ARL6: variants seen among roughly 807,000 people sequenced by gnomAD.
ARL6 encodes the protein ADP-ribosylation factor-like protein 6.
Under a neutral mutation model 27.1 loss-of-function variants are expected in ARL6, and 18 were observed. That is an observed-to-expected ratio of 0.66 (90% CI 0.46 to 0.98). ARL6 has a LOEUF of 0.98. Among genes scored for constraint, ARL6 ranks in the 50% least tolerant of loss-of-function variants. The pLI is 0.00. For missense variants in ARL6, 187 were observed against 214.9 expected (o/e 0.87, Z 0.81); for synonymous variants, 65 against 72.3 (o/e 0.90, Z 0.51).
intron 2 of ARL6, among the ~76,000 whole-genome samples, chr3:97,774,228 C>G (rs1046872181): frequency 6.6e-6 from 1 of 152,164 alleles, no homozygotes; most frequent in South Asian, 2.1e-4. Flanking sequence ...TCGAGCAGTT[C>G]TTTTTGAGTG....
chr3:97,791,143 A>G (rs2037714876), intron 6 of ARL6: 1 of 152,274 alleles, frequency 6.6e-6, no homozygotes, highest in Non-Finnish European at 1.5e-5. Context: ...GGTGTTTTAT[A>G]TACATACCTC....
chr3:97,773,142 A>G (rs1418315704), intron 2 of ARL6, among the ~76,000 whole-genome samples: 1 of 152,212 alleles, frequency 6.6e-6, no homozygotes, highest in Non-Finnish European at 1.5e-5. Context: ...GTCTGTCTGC[A>G]GGCTGAGGAG....
chr3:97,780,728 A>G (rs550048078), intron 4 of ARL6, 45 bp downstream of exon 4: 1 of 1,418,700 alleles, frequency 7.0e-7, no homozygotes, highest in South Asian at 1.2e-5. Context: ...GTTTTTACTA[A>G]TAATAATGAT....
chr3:97,776,869 G>A (rs2036933533), intron 2 of ARL6, among the ~76,000 whole-genome samples: 1 of 152,114 alleles, frequency 6.6e-6, no homozygotes, highest in South Asian at 2.1e-4. Flanking sequence ...ATGTTGGCCT[G>A]GCTGGTCTTG....
intron 1 of ARL6, 109 bp from the exon 2 acceptor site, chr3:97,767,972 A>T (rs1260912995): frequency 6.2e-6 from 6 of 973,358 alleles, no homozygotes; most frequent in African/African-American, 1.6e-5. Context: ...CATAGTTTTC[A>T]CACTATTATT....
chr3:97,779,585 T>C (rs1338976329), intron 2 of ARL6, among the ~76,000 whole-genome samples: 1 of 152,046 alleles, frequency 6.6e-6, no homozygotes, highest in Non-Finnish European at 1.5e-5. Context: ...TTAGAAAGTA[T>C]GCCAGGCACG....
chr3:97,788,201 T>C, intron 6 of ARL6, 82 bp downstream of exon 6: 1 of 1,410,086 alleles, frequency 7.1e-7, no homozygotes, highest in Non-Finnish European at 9.8e-7. Context: ...TCTCATTTTT[T>C]AAAAATAAGT....
intron 1 of ARL6, chr3:97,766,177 T>C (rs1244129242): frequency 6.6e-6 from 1 of 152,136 alleles, no homozygotes; most frequent in South Asian, 2.1e-4. Context: ...ATGTGAGAAG[T>C]TGTCGTTTTT....
At chr3:97,780,258 G>T (rs1559680041) in intron 3 of ARL6, 38 bp downstream of exon 3, 1 of 1,500,598 alleles carries the variant, frequency 6.7e-7, no homozygotes, top group East Asian at 2.3e-5. Flanking sequence ...AGTTGCTAGT[G>T]AAAAATAACA....
At chr3:97,769,165 A>G (rs977060491) in intron 2 of ARL6, among the ~76,000 whole-genome samples, 1 of 152,094 alleles carries the variant, frequency 6.6e-6, no homozygotes, top group Non-Finnish European at 1.5e-5. Flanking sequence ...GTTTCTAGGT[A>G]AGTAGTTCTT....
intron 6 of ARL6, among the ~76,000 whole-genome samples, chr3:97,788,907 C>CCT (rs1044352294): frequency 1.3e-5 from 2 of 152,212 alleles, no homozygotes; most frequent in African/African-American, 4.8e-5. Flanking sequence ...CACCCACCTA[C>CCT]CTCTCTCTGC....
In ARL6 at chr3:97,781,269, T is replaced by C. The variant is rs189411831; in HGVS notation, c.254+586T>C. On this transcript the variant is annotated intron_variant, in intron 4 of 7. Coordinates refer to ENST00000463745, the MANE Select transcript of ARL6 (RefSeq NM_001278293.3). Reference sequence around the variant, plus strand: ...AGTTGATCCATTGTTCTATGAATAATTTGAAACAAGCCATTTTTCAGCATA... The same window carrying C: ...AGTTGATCCATTGTTCTATGAATAACTTGAAACAAGCCATTTTTCAGCATA... 4.0e-3 allele frequency among the ~76,000 whole-genome samples: 598 copies of C among 150,150 alleles called. 3 individuals carry two copies. Among genetic ancestry groups the C allele is most frequent in the Non-Finnish European group, 6.0e-3 (403 of 67,458 alleles).
chr3:97,791,450 G>A (rs923674866), intron 6 of ARL6: 3 of 287,432 alleles, frequency 1.0e-5, no homozygotes, highest in African/African-American at 4.4e-5. Flanking sequence ...TTGGAACTGA[G>A]CAAAGTAGGA....
In ARL6 at chr3:97,798,252, A is replaced by C; in HGVS notation, c.*203A>C. 5.4e-6 allele frequency: 3 copies of C among 553,140 alleles called. No individual in the cohort carries two copies. Among genetic ancestry groups the C allele is most frequent in the Non-Finnish European group, 6.5e-6 (2 of 306,292 alleles). 34.3% of individuals were successfully genotyped at this position (553,140 alleles called of 1,614,324 possible). On this transcript the variant is annotated 3_prime_UTR_variant, in exon 8 of 8. Transcript: ENST00000463745. ...ATTTAAAAACTAAATATTCCCTCAA[A>C]AGGGCTCCCTAGAATTATCAAGTTC...
chr3:97,774,342 C>G (rs1049671328), intron 2 of ARL6, among the ~76,000 whole-genome samples: 1 of 150,268 alleles, frequency 6.7e-6, no homozygotes, highest in Non-Finnish European at 1.5e-5. Context: ...AGAATCCCCC[C>G]GGGATTCTAG....
chr3:97,775,975 G>A (rs1377169303), intron 2 of ARL6, among the ~76,000 whole-genome samples: 1 of 152,140 alleles, frequency 6.6e-6, no homozygotes, highest in Non-Finnish European at 1.5e-5. Context: ...GTTTAACTTG[G>A]ATTTCTTTTG....
chr3:97,780,518 T>C, intron 3 of ARL6, 97 bp from the exon 4 acceptor site: 1 of 971,764 alleles, frequency 1.0e-6, no homozygotes, highest in Non-Finnish European at 1.6e-6. Context: ...GAATATTGCA[T>C]ATGAAGGGTA....
intron 2 of ARL6, among the ~76,000 whole-genome samples, chr3:97,778,586 T>A (rs1358853479): frequency 6.6e-6 from 1 of 152,142 alleles, no homozygotes; most frequent in Non-Finnish European, 1.5e-5. Context: ...TTTTTTAAAG[T>A]TATAGTGACA....
Position 97,797,611 on chromosome 3 carries a change from C to G in ARL6, c.536-413C>G, listed in dbSNP as rs188474390. Reference sequence around the variant, plus strand: ...ATTTAGAGGTATTATAAGTATTCATCTAAAAGGGAGTTATAAGTAGTTGCC... The same window carrying G: ...ATTTAGAGGTATTATAAGTATTCATGTAAAAGGGAGTTATAAGTAGTTGCC... On this transcript the variant is annotated intron_variant, in intron 7 of 7. Coordinates refer to ENST00000463745, the MANE Select transcript of ARL6 (RefSeq NM_001278293.3). Among the ~76,000 whole-genome samples the G allele has an allele frequency of 3.3e-4, 50 of 152,184 alleles. 1 individual carries two copies. In the South Asian group the frequency reaches 5.4e-3, roughly 16 times the overall value.
Sources: allele counts gnomAD v4.1 joint callset (sites outside exome capture counted in the v4.1 genomes callset), GRCh38; gene constraint gnomAD v4.1.1; transcripts MANE v1.5; gene names NCBI Gene and HGNC (gene_info 2026-07-23, HGNC 2026-07-21).